CCDC50: variants seen among roughly 807,000 people sequenced by gnomAD.
CCDC50 encodes the protein coiled-coil domain containing 50, also known as coiled-coil domain-containing protein 50.
A neutral mutation model predicts 70.2 loss-of-function variants in CCDC50; 54 were observed. The ratio of observed to expected loss-of-function variants is 0.77; its 90% confidence interval spans 0.62 to 0.96. The LOEUF (loss-of-function observed/expected upper bound fraction) is 0.96. Among genes scored for constraint, CCDC50 ranks in the 50% least tolerant of loss-of-function variants. CCDC50 has a pLI of 0.00. For missense variants in CCDC50, 558 were observed against 578.7 expected (o/e 0.96, Z 0.37); for synonymous variants, 216 against 198.8 (o/e 1.09, Z -0.73).
chr3:191,384,824 C>T (rs1292250889), intron 10 of CCDC50, among the ~76,000 whole-genome samples: 4 of 152,098 alleles, frequency 2.6e-5, no homozygotes, highest in African/African-American at 9.7e-5. Context: ...TGCCTCCCTC[C>T]CTCCTTTTGG....
intron 9 of CCDC50, among the ~76,000 whole-genome samples, chr3:191,382,515 A>ATGT (rs1325028028): frequency 2.6e-5 from 4 of 152,052 alleles, no homozygotes; most frequent in Non-Finnish European, 4.4e-5. Flanking sequence ...GCTAAATTAC[A>ATGT]CCTTCCATGT....
intron 4 of CCDC50, among the ~76,000 whole-genome samples, chr3:191,361,677 A>T (rs1319565275): frequency 6.6e-6 from 1 of 152,182 alleles, no homozygotes; most frequent in East Asian, 1.9e-4. Flanking sequence ...CAGTCATTGA[A>T]TTGAGGACTC....
intron 10 of CCDC50, among the ~76,000 whole-genome samples, chr3:191,386,743 C>A (rs988776810): frequency 2.0e-5 from 3 of 152,118 alleles, no homozygotes; most frequent in African/African-American, 7.2e-5. Context: ...ACCACACACA[C>A]AAAATACTTA....
At chr3:191,338,297 TA>T (rs1335183717) in intron 1 of CCDC50, among the ~76,000 whole-genome samples, 1 of 152,222 alleles carries the variant, frequency 6.6e-6, no homozygotes, top group African/African-American at 2.4e-5. Context: ...TCTTTTATAT[TA>T]TGAAGGTCTG....
rs1254461274 is a variant in CCDC50 at position 191,382,605 on chromosome 3, TTAAATA to T, written c.1243-137_1243-132del. The T allele has an allele frequency of 6.4e-6, 4 of 625,530 alleles. No homozygotes were observed. The Admixed American group carries it at 1.1e-4, about 17-fold the overall frequency. The allele number at this position is 625,530 out of a possible 1,614,324, so 38.7% of individuals were successfully genotyped here. On this transcript the variant is annotated intron_variant, in intron 9 of 11. Coordinates refer to ENST00000392455, the MANE Select transcript of CCDC50 (RefSeq NM_178335.3). ...TATAAAAATATTTTATGTTCCTCAATTAAATATAATTAATCTGAAATTACTAAGGAA... is the reference window on the plus strand; with the variant it reads ...TATAAAAATATTTTATGTTCCTCAATTAATTAATCTGAAATTACTAAGGAA...
chr3:191,329,656 A>C lies in CCDC50; in HGVS notation c.-19A>C, dbSNP rs565556736. The C allele has an allele frequency of 1.2e-6, 2 of 1,605,692 alleles. No individual in the cohort carries two copies. The highest frequency in any genetic ancestry group is 1.7e-5 in the Admixed American group (1 of 59,094). On this transcript the variant is annotated 5_prime_UTR_variant, in exon 1 of 12. Transcript: ENST00000392455. ...CCGGGAAGCCCGCGTTAAAGGGGCA[A>C]CCGGGACCCTGGCCCGGTATGGCTG...
At chr3:191,374,494 C>T (rs2108662264) in intron 5 of CCDC50, among the ~76,000 whole-genome samples, 1 of 152,180 alleles carries the variant, frequency 6.6e-6, no homozygotes, top group African/African-American at 2.4e-5. Context: ...GGGCTAATTT[C>T]TGAAGTGACT....
chr3:191,370,318 C>G, intron 5 of CCDC50: 1 of 356,068 alleles, frequency 2.8e-6, no homozygotes, highest in Non-Finnish European at 5.5e-6. Context: ...CACCCATTAA[C>G]TCGTCATTTA....
intron 9 of CCDC50, 34 bp downstream of exon 9, chr3:191,380,966 ATAAAAT>A (rs765033742): frequency 1.9e-6 from 3 of 1,538,856 alleles, no homozygotes; most frequent in Non-Finnish European, 2.7e-6. Context: ...CTAATTAGAA[ATAAAAT>A]TAGAAATGAA....
chr3:191,364,099 T>A (rs1171237803), intron 4 of CCDC50, among the ~76,000 whole-genome samples: 1 of 151,768 alleles, frequency 6.6e-6, no homozygotes, highest in African/African-American at 2.4e-5. Flanking sequence ...AGACAGAGTC[T>A]TGCTCTGTCT....
intron 10 of CCDC50, among the ~76,000 whole-genome samples, chr3:191,385,688 G>T (rs1560172246): frequency 9.4e-6 from 1 of 106,094 alleles, no homozygotes; most frequent in African/African-American, 2.9e-5. Context: ...TGTTATATTT[G>T]TTTATTTGTT....
At position 191,357,135 on chromosome 3, in the gene CCDC50, C is replaced by G; in HGVS notation, c.97C>G (p.Leu33Val). ...GGAGGACCACACCCTGGCTCACAGC[C>G]TGCAGGAACAAGAGAGTGAGTAATA... ...VLEDHTLAHS[L>V]QEQEIEHHLA... is the part of the protein sequence containing the mutation. The change falls in exon 2 of 12, where the codon CTG becomes GTG. Residue 33 changes from leucine (L) to valine (V), a missense_variant. Transcript: ENST00000392455. 6.2e-7 allele frequency: 1 copy of G among 1,613,638 alleles called. No homozygotes were observed. Among genetic ancestry groups the G allele is most frequent in the Non-Finnish European group, 8.5e-7 (1 of 1,179,660 alleles).
At chr3:191,359,122 A>G (rs957931211) in intron 3 of CCDC50, among the ~76,000 whole-genome samples, 1 of 152,234 alleles carries the variant, frequency 6.6e-6, no homozygotes, top group African/African-American at 2.4e-5. Context: ...TTGTGTATCT[A>G]GAGATACGTG....
intron 4 of CCDC50, among the ~76,000 whole-genome samples, chr3:191,364,359 G>A (rs1004882612): frequency 2.7e-5 from 4 of 150,346 alleles, no homozygotes; most frequent in African/African-American, 7.4e-5. Flanking sequence ...GAGCCACCGC[G>A]CCCGGCCTCC....
intron 7 of CCDC50, 63 bp downstream of exon 7, chr3:191,380,337 C>T (rs1437566095): frequency 6.0e-6 from 6 of 993,440 alleles, no homozygotes; most frequent in Non-Finnish European, 9.5e-6. Flanking sequence ...TGAATCTAGT[C>T]CATCTTGAAA....
intron 7 of CCDC50, 41 bp downstream of exon 7, chr3:191,380,315 G>A (rs1386230117): frequency 7.8e-7 from 1 of 1,282,134 alleles, no homozygotes; most frequent in South Asian, 1.2e-5. Flanking sequence ...ATATTGATGG[G>A]TATTTTTTTT....
chr3:191,381,681 A>AG (rs1713325792), intron 9 of CCDC50, among the ~76,000 whole-genome samples: 1 of 152,124 alleles, frequency 6.6e-6, no homozygotes, highest in Admixed American at 6.6e-5. Flanking sequence ...TAGAAGGTTA[A>AG]GCTAGGTGGA....
rs778380604 is a variant in CCDC50 at position 191,361,180 on chromosome 3, CT to C, written c.330+22del. 25 of 1,566,216 alleles carry C rather than the reference CT, an allele frequency of 1.6e-5. 1 individual carries two copies. In the East Asian group the frequency reaches 4.7e-4, roughly 30 times the overall value. On this transcript the variant is annotated intron_variant, in intron 4 of 11. Coordinates refer to ENST00000392455, the MANE Select transcript of CCDC50 (RefSeq NM_178335.3). ...ATGAGGTATAACTTAGTTACTGCCC[CT>C]CTCCCTCATGGAGAAAGGGGTGCTC...
At chr3:191,330,959 C>T (rs1425976988) in intron 1 of CCDC50, among the ~76,000 whole-genome samples, 1 of 152,174 alleles carries the variant, frequency 6.6e-6, no homozygotes, top group Non-Finnish European at 1.5e-5. Flanking sequence ...ACTTTTCTAC[C>T]TTTCCGTCCC....
Sources: allele counts gnomAD v4.1 joint callset (sites outside exome capture counted in the v4.1 genomes callset), GRCh38; gene constraint gnomAD v4.1.1; transcripts MANE v1.5; gene names NCBI Gene and HGNC (gene_info 2026-07-23, HGNC 2026-07-21).